The following EP400 variants were observed in gnomAD, a reference collection of about 807,000 sequenced individuals.
EP400 encodes E1A binding protein p400, also known as E1A-binding protein p400.
A neutral mutation model predicts 354.1 loss-of-function variants in EP400; 105 were observed. The observed-to-expected ratio is 0.30, with a 90% CI of 0.25 to 0.35. The LOEUF (loss-of-function observed/expected upper bound fraction) is 0.35, where lower values mean the gene tolerates loss of function less well. Among genes scored for constraint, EP400 ranks in the 10% least tolerant of loss-of-function variants. EP400 has a pLI of 1.00. For missense variants in EP400, 3,280 were observed against 4,121.0 expected (o/e 0.80, Z 5.59); for synonymous variants, 1,646 against 1,716.9 (o/e 0.96, Z 1.02).
In EP400 at chr12:132,013,366, T is replaced by C. The variant is rs1211310382; in HGVS notation, c.3612-124T>C. On this transcript the variant is annotated intron_variant, in intron 17 of 52. Coordinates refer to ENST00000389561, the MANE Select transcript of EP400 (RefSeq NM_015409.5). This position sits in a 1 kb window ranked among gnomAD's most constrained non-coding sequence, Gnocchi z 4.5. ...TCAGTGCAGCCCCCCTTTTCAGGCA[T>C]GTGCACGTTGACATTTGCGGTGTCA... 37 of 1,402,916 alleles carry C rather than the reference T, an allele frequency of 2.6e-5. No homozygotes were observed. The highest frequency in any genetic ancestry group is 3.4e-5 in the Non-Finnish European group (35 of 1,042,050). The allele number at this position is 1,402,916 out of a possible 1,614,324, so 86.9% of individuals were successfully genotyped here.
In EP400 at chr12:132,030,078, G is replaced by A. The variant is rs542019145; in HGVS notation, c.5674G>A (p.Asp1892Asn). The A allele has an allele frequency of 1.2e-6, 2 of 1,614,204 alleles. No homozygotes were observed. The highest frequency in any genetic ancestry group is 1.7e-6 in the Non-Finnish European group (2 of 1,180,024). ...TTTATCACAGATGATTCTTATGTTG[G>A]ACATTTTAGAGATGTTCTTGAACTT... ...LILSQMILML[D>N]ILEMFLNFHY... is the part of the protein sequence containing the mutation. Residue 1892 changes from aspartate to asparagine, a missense_variant, in exon 29 of 53, where the codon GAC (aspartate) becomes AAC (asparagine). Around this residue, in one of 20 missense-constraint regions of EP400, gnomAD observed 459 missense variants for 496.9 expected, o/e 0.92. Transcript: ENST00000389561.
At chr12:132,049,555 G>A (rs1003534084) in intron 39 of EP400, among the ~76,000 whole-genome samples, 1 of 152,164 alleles carries the variant, frequency 6.6e-6, no homozygotes, top group Admixed American at 6.5e-5. Context: ...CTGTGCTGCT[G>A]TGTCATGTGA....
chr12:131,984,195 G>A (rs1892776857), intron 5 of EP400, among the ~76,000 whole-genome samples: 1 of 152,170 alleles, frequency 6.6e-6, no homozygotes, highest in Non-Finnish European at 1.5e-5. Flanking sequence ...ACCGCACCCG[G>A]CCTACAGGTT....
chr12:131,995,818 G>T (rs900350394), intron 12 of EP400, among the ~76,000 whole-genome samples: 2 of 111,648 alleles, frequency 1.8e-5, no homozygotes, highest in Non-Finnish European at 3.6e-5. Flanking sequence ...GAATCCCACC[G>T]CAGCTTGACT....
Position 132,044,852 on chromosome 12 carries a change from C to G in EP400, c.6683C>G (p.Ser2228Trp), listed in dbSNP as rs146945964. 9 of 1,614,192 alleles carry G rather than the reference C, an allele frequency of 5.6e-6. No homozygotes were observed. Among genetic ancestry groups the G allele is most frequent in the Non-Finnish European group, 6.8e-6 (8 of 1,180,036 alleles). The stretch of plus-strand genomic sequence containing the variant: ...GACGACAGCGACATCTACCTCGACT[C>G]GGTCATGTGTCTCATGTATGAAGCC... Reference protein sequence around the residue: ...PQDDSDIYLDSVMCLMYEATP... With the variant: ...PQDDSDIYLDWVMCLMYEATP... The change falls in exon 37 of 53, where the codon TCG becomes TGG. Residue 2228 changes from serine to tryptophan, a missense_variant. Ser to Trp is a radical substitution (Grantham distance 177, BLOSUM62 -3). This residue lies in a region of EP400 where 231 missense variants were observed against 257.9 expected (regional missense o/e 0.90). Coordinates refer to ENST00000389561, the MANE Select transcript of EP400 (RefSeq NM_015409.5).
rs1019972985 is a variant in EP400, at chr12:132,079,086, TTC to T, written c.*1415_*1416del. Reference sequence around the variant, plus strand: ...AATCAGTTATGGCACAATAAAGATTTTCTGTTTTTAAATTGTATTTCATCTGC... The same window carrying T: ...AATCAGTTATGGCACAATAAAGATTTTGTTTTTAAATTGTATTTCATCTGC... On this transcript the variant is annotated 3_prime_UTR_variant, in exon 53 of 53. Coordinates refer to ENST00000389561, the MANE Select transcript of EP400 (RefSeq NM_015409.5). The T allele has an allele frequency of 2.6e-5, 4 of 152,242 alleles. No individual in the cohort carries two copies. 9.4% of individuals were successfully genotyped at this position (152,242 alleles called of 1,614,324 possible).
intron 48 of EP400, chr12:132,065,115 G>A: frequency 1.3e-6 from 1 of 780,184 alleles, no homozygotes; most frequent in South Asian, 1.9e-5. Flanking sequence ...GCTTCTCAGG[G>A]CTTGAATTGA....
chr12:132,049,092 G>A (rs189707663), intron 39 of EP400, among the ~76,000 whole-genome samples: 3 of 152,362 alleles, frequency 2.0e-5, no homozygotes, highest in African/African-American at 7.2e-5. Context: ...CCCTGTGGAA[G>A]CCCATGATAG....
chr12:132,031,383 T>A (rs372876401), intron 29 of EP400: 8 of 518,970 alleles, frequency 1.5e-5, no homozygotes, highest in African/African-American at 1.5e-4. Flanking sequence ...ACTCTAACTT[T>A]TTCCTTCTTG....
In EP400 at chr12:132,068,550, C is replaced by T. The variant is rs144824469; in HGVS notation, c.8875-945C>T. The T allele has an allele frequency of 3.0e-3, 457 of 152,504 alleles. 2 individuals carry two copies. Among genetic ancestry groups the T allele is most frequent in the Non-Finnish European group, 4.1e-3 (281 of 68,134 alleles). 9.4% of individuals were successfully genotyped at this position (152,504 alleles called of 1,614,324 possible). On this transcript the variant is annotated intron_variant, in intron 50 of 52. Coordinates refer to ENST00000389561, the MANE Select transcript of EP400 (RefSeq NM_015409.5). ...CCTGCTGGTGTGCAGCAATGGCATG[C>T]TCTGTGGGGAGCTGGAAGCAGAGCT...
chr12:132,017,836 C>CAGAAG lies in EP400; in HGVS notation c.4110+117_4110+118insAAGAG. On this transcript the variant is annotated intron_variant, in intron 20 of 52. Coordinates refer to ENST00000389561, the MANE Select transcript of EP400 (RefSeq NM_015409.5). This position sits in a 1 kb window ranked among gnomAD's most constrained non-coding sequence, Gnocchi z 5.0. ...ACCAGCTCTTCTGCAATTGCAATTG[C>CAGAAG]AGCTCCGCGATACATGGCACCGTCT... 6 of 1,164,628 alleles carry CAGAAG rather than the reference C, an allele frequency of 5.2e-6. No homozygotes were observed. Among genetic ancestry groups the CAGAAG allele is most frequent in the African/African-American group, 1.6e-5 (1 of 63,532 alleles). 72.1% of individuals were successfully genotyped at this position (1,164,628 alleles called of 1,614,324 possible). A position where few individuals can be genotyped will look rare whatever the true frequency, so the allele number is the denominator to read the frequency against.
chr12:132,006,062 T>A (rs1387761041), intron 13 of EP400, 50 bp from the exon 14 acceptor site: 1 of 1,543,476 alleles, frequency 6.5e-7, no homozygotes, highest in Non-Finnish European at 8.8e-7. Context: ...GGTTTAGATT[T>A]ATAAAGCCTT....
chr12:131,997,212 G>A (rs752704111), intron 12 of EP400, among the ~76,000 whole-genome samples: 3 of 151,862 alleles, frequency 2.0e-5, no homozygotes, highest in African/African-American at 4.8e-5. Context: ...CTGTTGACTG[G>A]AAGCCTTATC....
Position 132,027,409 on chromosome 12 carries a change from T to C in EP400, c.5015-28T>C. The C allele has an allele frequency of 6.2e-7, 1 of 1,613,198 alleles. No individual in the cohort carries two copies. The highest frequency in any genetic ancestry group is 8.5e-7 in the Non-Finnish European group (1 of 1,179,398). On this transcript the variant is annotated intron_variant, in intron 25 of 52. Coordinates refer to ENST00000389561, the MANE Select transcript of EP400 (RefSeq NM_015409.5). This position sits in a 1 kb window ranked among gnomAD's most constrained non-coding sequence, Gnocchi z 4.9. ...GAAATCCTGTGAACTTGGCGTTCCT[T>C]TTCACCTCTTCCTTTATGCATTTGT...
At chr12:131,970,790 A>G (rs1361877887) in intron 2 of EP400, among the ~76,000 whole-genome samples, 1 of 152,226 alleles carries the variant, frequency 6.6e-6, no homozygotes, top group Non-Finnish European at 1.5e-5. Context: ...GCGATTTGGT[A>G]TAAGGATAGT....
chr12:132,037,469 G>A (rs1472030273), intron 30 of EP400, among the ~76,000 whole-genome samples: 1 of 152,202 alleles, frequency 6.6e-6, no homozygotes, highest in Non-Finnish European at 1.5e-5. Flanking sequence ...GAGTCTTCCG[G>A]AGGGGCCTCC....
rs749694700 is a variant in EP400, at chr12:132,053,239, C to T, written c.7473+15C>T. ...AAGAGAAAAAGGTCAGCGCCCTGGG[C>T]CCTTCTGCTTGAGTGGGAAAATGTG... is the stretch of plus-strand genomic sequence containing the variant. On this transcript the variant is annotated intron_variant, in intron 42 of 52. Transcript: ENST00000389561. The T allele has an allele frequency of 3.7e-6, 6 of 1,613,236 alleles. No homozygotes were observed. The highest frequency in any genetic ancestry group is 1.6e-4 in the Middle Eastern group (1 of 6,062).
At chr12:131,959,694 T>C (rs1171162780) in intron 1 of EP400, among the ~76,000 whole-genome samples, 1 of 152,210 alleles carries the variant, frequency 6.6e-6, no homozygotes, top group African/African-American at 2.4e-5. Flanking sequence ...TCTCCTTCTC[T>C]CTCCCTTGAG....
intron 4 of EP400, 91 bp from the exon 5 acceptor site, chr12:131,982,002 A>G: frequency 6.9e-7 from 1 of 1,457,142 alleles, no homozygotes; most frequent in East Asian, 2.3e-5. Context: ...TTGGACAAGC[A>G]CTGGGGTGTT....
Sources: allele counts gnomAD v4.1 joint callset (sites outside exome capture counted in the v4.1 genomes callset), GRCh38; gene constraint gnomAD v4.1.1; regional missense constraint gnomAD v4.1.1; non-coding constraint Gnocchi (gnomAD v3.1); transcripts MANE v1.5; gene names NCBI Gene and HGNC (gene_info 2026-07-23, HGNC 2026-07-21).